KDM5D: variants seen among roughly 807,000 people sequenced by gnomAD.
KDM5D encodes lysine demethylase 5D.
Under a neutral mutation model 31.9 loss-of-function variants are expected in KDM5D, and 25 were observed. The observed-to-expected ratio is 0.78, with a 90% CI of 0.57 to 1.09. KDM5D has a LOEUF of 1.09. Among genes scored for constraint, KDM5D ranks in the 50% least tolerant of loss-of-function variants. The pLI, the probability that KDM5D is intolerant of heterozygous loss-of-function variation, is 0.00. For synonymous variants in KDM5D, 146 were observed against 122.3 expected (o/e 1.19, Z -1.28); for missense variants, 366 against 341.6 (o/e 1.07, Z -0.56).
At chrY:19,715,788 C>T in intron 16 of KDM5D, 35 bp downstream of exon 16, 1 of 398,623 alleles carries the variant, frequency 2.5e-6, no homozygotes, top group Non-Finnish European at 3.5e-6. Flanking sequence ...AGCTCTAAAA[C>T]CTCCTTCACG....
rs2045505892 is a variant in KDM5D, at chrY:19,735,651, TA to T, written c.756del (p.Lys253ArgfsTer19). On this transcript the variant is annotated frameshift_variant, in exon 7 of 27. Coordinates refer to ENST00000317961, the MANE Select transcript of KDM5D (RefSeq NM_004653.5). LOFTEE classifies it high-confidence loss of function. ...GPKMMGLGLM[A>X]KDKDKTVHKK... is the part of the protein sequence containing the mutation. The stretch of plus-strand genomic sequence containing the variant: ...TTATGCACAGTCTTATCCTTATCCT[TA>T]GCCATAAGGCCCAAGCCCATCATTT... 1 of 395,862 alleles carries T rather than the reference TA, an allele frequency of 2.5e-6. No individual in the cohort carries two copies. The highest frequency in any genetic ancestry group is 3.5e-6 in the Non-Finnish European group (1 of 281,705).
intron 18 of KDM5D, among the ~76,000 whole-genome samples, chrY:19,711,508 A>C: frequency 3.2e-5 from 1 of 30,857 alleles, no homozygotes; most frequent in African/African-American, 1.3e-4. Flanking sequence ...GTGAAACCCC[A>C]TCTCTACTAA....
At chrY:19,740,628 C>G in intron 5 of KDM5D, among the ~76,000 whole-genome samples, 1 of 33,801 alleles carries the variant, frequency 3.0e-5, no homozygotes, top group Non-Finnish European at 7.3e-5. Context: ...ACCCAAGTCA[C>G]ACCAAGCTTT....
chrY:19,720,660 T>G (rs901559638), intron 13 of KDM5D, among the ~76,000 whole-genome samples: 1 of 33,705 alleles, frequency 3.0e-5, no homozygotes, highest in African/African-American at 1.2e-4. Context: ...AGTAATTATC[T>G]AATCTCTCTT....
chrY:19,724,467 CAT>C (rs2045414746), intron 11 of KDM5D, among the ~76,000 whole-genome samples: 1 of 33,592 alleles, frequency 3.0e-5, no homozygotes, highest in Non-Finnish European at 7.4e-5. Context: ...ACAAAAACCA[CAT>C]GATTATCTCA....
Position 19,731,759 on chromosome Y carries a change from C to G in KDM5D, c.1371+13G>C. 2.6e-6 allele frequency: 1 copy of G among 388,579 alleles called. No homozygotes were observed. Among genetic ancestry groups the G allele is most frequent in the Non-Finnish European group, 3.6e-6 (1 of 274,621 alleles). ...CCCTAGTTAATGTTAACATGAACTA[C>G]CAACCGTATTACCTTCTCCTCAGGA... On this transcript the variant is annotated intron_variant, in intron 11 of 26. Transcript: ENST00000317961.
In KDM5D at chrY:19,706,786, T is replaced by C. The variant is rs2032632; in HGVS notation, c.4069+8A>G. 90 of 390,671 alleles carry C rather than the reference T, an allele frequency of 2.3e-4. No homozygotes were observed. In the East Asian group the frequency reaches 2.6e-3, roughly 11 times the overall value. ...GCCAACAGCCTACCCAAACCACACC[T>C]GTCTTACCAGAGCCCTTTCCTGGAG... On this transcript the variant is annotated splice_region_variant and intron_variant, in intron 25 of 26. Transcript: ENST00000317961.
intron 8 of KDM5D, among the ~76,000 whole-genome samples, 197 bp downstream of exon 8, chrY:19,735,155 A>C (rs2045498637): frequency 3.0e-5 from 1 of 33,539 alleles, no homozygotes; most frequent in Non-Finnish European, 7.4e-5. Flanking sequence ...ATCTAAAAAG[A>C]CATAAAAATT....
At chrY:19,729,207 T>A in intron 11 of KDM5D, among the ~76,000 whole-genome samples, 1 of 31,716 alleles carries the variant, frequency 3.2e-5, no homozygotes, top group Non-Finnish European at 7.7e-5. Flanking sequence ...ACAGCGAGAC[T>A]GCGTCTCAAA....
intron 18 of KDM5D, among the ~76,000 whole-genome samples, chrY:19,711,635 C>T (rs1603545742): frequency 3.4e-5 from 1 of 29,699 alleles, no homozygotes; most frequent in South Asian, 8.0e-4. Flanking sequence ...GAGCTGAGAT[C>T]GTGCCACTGC....
At chrY:19,724,895 A>G in intron 11 of KDM5D, among the ~76,000 whole-genome samples, 2 of 33,499 alleles carry the variant, frequency 6.0e-5, no homozygotes, top group East Asian at 1.6e-3. Flanking sequence ...CAAAATCACA[A>G]GCATCCCTAT....
At position 19,720,882 on chromosome Y, in the gene KDM5D, T is replaced by C. The variant is rs771635442; in HGVS notation, c.1706A>G (p.His569Arg). ...TLMNPNTLMS[H>R]GVPVVRTNQC... The stretch of plus-strand genomic sequence containing the variant: ...ATCCTTGGTACTTACTGGCACACCA[T>C]GGGACATCAAAGTGTTGGGATTCAT... The change falls in exon 13 of 27, where the codon CAT (histidine) becomes CGT (arginine). Residue 569 changes from histidine (H) to arginine (R), a missense_variant. Transcript: ENST00000317961. 1 of 397,784 alleles carries C rather than the reference T, an allele frequency of 2.5e-6. No individual in the cohort carries two copies. The highest frequency in any genetic ancestry group is 3.5e-6 in the Non-Finnish European group (1 of 282,541).
rs776312567 is a variant in KDM5D at position 19,738,627 on chromosome Y, C to T, written c.657+901G>A. On this transcript the variant is annotated intron_variant, in intron 6 of 26. Coordinates refer to ENST00000317961, the MANE Select transcript of KDM5D (RefSeq NM_004653.5). ...ATTATGATGTTTTAACATCTTAAATCTTTCTGGTTATGACAGATTGTCCTC... is the reference window on the plus strand; with the variant it reads ...ATTATGATGTTTTAACATCTTAAATTTTTCTGGTTATGACAGATTGTCCTC... 1.2e-4 allele frequency among the ~76,000 whole-genome samples: 4 copies of T among 33,827 alleles called. No homozygotes were observed. The South Asian group carries it at 2.6e-3, about 22-fold the overall frequency. The allele number at this position is 33,827 out of a possible 37,273, so 90.8% of individuals were successfully genotyped here.
Position 19,709,569 on chromosome Y carries a change from C to A in KDM5D, c.2824G>T (p.Val942Phe). The A allele has an allele frequency of 2.5e-6, 1 of 396,784 alleles. No individual in the cohort carries two copies. The highest frequency in any genetic ancestry group is 6.4e-5 in the African/African-American group (1 of 15,643). ...CTGGAGGCTATCTTGGCACCCATAA[C>A]CAAAAGCCCCTGCATGATGACCAGA... is the stretch of plus-strand genomic sequence containing the variant. The part of the protein sequence containing the change: ...GSLVIMQGLL[V>F]MGAKIASSPS... Residue 942 changes from valine (V) to phenylalanine (F), a missense_variant, in exon 20 of 27, where the codon GTT (valine) becomes TTT (phenylalanine). Transcript: ENST00000317961.
At chrY:19,740,385 G>A (rs2045540321) in intron 5 of KDM5D, among the ~76,000 whole-genome samples, 1 of 31,996 alleles carries the variant, frequency 3.1e-5, no homozygotes, top group African/African-American at 1.2e-4. Context: ...TGGCCAACAT[G>A]GTGAAACCCC....
chrY:19,704,961 T>C lies in KDM5D; in HGVS notation c.*1034A>G. ...GATTTAGGACACAAAAGCTACTACA[T>C]AATGAAAAAGAGAGCTGGTGACTTA... On this transcript the variant is annotated 3_prime_UTR_variant, in exon 27 of 27. Transcript: ENST00000317961. 6.0e-5 allele frequency: 2 copies of C among 33,605 alleles called. No individual in the cohort carries two copies. Among genetic ancestry groups the C allele is most frequent in the Non-Finnish European group, 1.5e-4 (2 of 13,583 alleles). The allele number at this position is 33,605 out of a possible 400,897, so 8.4% of individuals were successfully genotyped here.
At chrY:19,731,178 T>C in intron 11 of KDM5D, among the ~76,000 whole-genome samples, 1 of 33,545 alleles carries the variant, frequency 3.0e-5, no homozygotes, top group Non-Finnish European at 7.4e-5. Flanking sequence ...AAATAATGCA[T>C]AAGGACGGCT....
At chrY:19,732,559 A>C in intron 9 of KDM5D, 25 bp downstream of exon 9, 1 of 372,795 alleles carries the variant, frequency 2.7e-6, no homozygotes, top group Non-Finnish European at 3.7e-6. Context: ...CCAAAAATAA[A>C]GCATCTGTGA....
rs2045271476 is a variant in KDM5D, at chrY:19,708,865, T to C, written c.3081+10A>G. 6 of 394,649 alleles carry C rather than the reference T, an allele frequency of 1.5e-5. No individual in the cohort carries two copies. The African/African-American group carries it at 3.8e-4, about 25-fold the overall frequency. Reference sequence around the variant, plus strand: ...GCCTGACGCAGTAAAGCAGAAATACTGATCCTCACTTGGATCTCATCCACA... The same window carrying C: ...GCCTGACGCAGTAAAGCAGAAATACCGATCCTCACTTGGATCTCATCCACA... On this transcript the variant is annotated intron_variant, in intron 21 of 26. Transcript: ENST00000317961.
Sources: allele counts gnomAD v4.1 joint callset (sites outside exome capture counted in the v4.1 genomes callset), GRCh38; gene constraint gnomAD v4.1.1; transcripts MANE v1.5; gene names NCBI Gene and HGNC (gene_info 2026-07-23, HGNC 2026-07-21).